CDH4: variants seen among roughly 807,000 people sequenced by gnomAD.
CDH4 encodes cadherin 4.
CDH4 carries 33 observed loss-of-function variants against 86.0 expected under a neutral mutation model. The ratio of observed to expected loss-of-function variants is 0.38; its 90% CI spans 0.29 to 0.51. The LOEUF (loss-of-function observed/expected upper bound fraction) is 0.51, where lower values mean the gene tolerates loss of function less well. Among genes scored for constraint, CDH4 ranks in the 20% least tolerant of loss-of-function variants. CDH4 has a pLI of 0.86. For synonymous variants in CDH4, 555 were observed against 549.4 expected (o/e 1.01, Z -0.14); for missense variants, 1,114 against 1,307.4 (o/e 0.85, Z 2.28).
chr20:61,725,383 G>A (rs894090287), intron 2 of CDH4, among the ~76,000 whole-genome samples: 1 of 152,186 alleles, frequency 6.6e-6, no homozygotes, highest in African/African-American at 2.4e-5. Flanking sequence ...CCAGGACCCA[G>A]GTCTGGTCTC....
intron 3 of CDH4, among the ~76,000 whole-genome samples, chr20:61,752,329 C>CAA (rs34828485): frequency 7.1e-4 from 59 of 83,088 alleles, no homozygotes; most frequent in Non-Finnish European, 1.1e-3. Context: ...AAAAGCCTGT[C>CAA]AAAAAAAAAA....
chr20:61,908,670 C>CAA (rs1340357257), intron 8 of CDH4, among the ~76,000 whole-genome samples: 4 of 152,084 alleles, frequency 2.6e-5, no homozygotes, highest in African/African-American at 9.7e-5. Flanking sequence ...TTGTGGTGGC[C>CAA]GTGGGACATC....
intron 2 of CDH4, among the ~76,000 whole-genome samples, chr20:61,259,150 G>A (rs6101282): frequency 0.11 from 17,295 of 152,282 alleles, 1,074 homozygotes; most frequent in African/African-American, 0.15. Flanking sequence ...TTGACAGACA[G>A]TGAATTGCTG....
intron 2 of CDH4, among the ~76,000 whole-genome samples, chr20:61,311,209 A>C (rs1199140742): frequency 6.6e-6 from 1 of 152,184 alleles, no homozygotes. Flanking sequence ...ACACCCACAC[A>C]CACCCACACC....
intron 2 of CDH4, among the ~76,000 whole-genome samples, chr20:61,493,248 G>A (rs912637399): frequency 3.3e-5 from 5 of 152,192 alleles, no homozygotes; most frequent in Non-Finnish European, 5.9e-5. Flanking sequence ...TCCATTGTCT[G>A]TGAAGTATGC....
At position 61,834,322 on chromosome 20, in the gene CDH4, G is replaced by C. The variant is rs1981768212; in HGVS notation, c.577-10346G>C. On this transcript the variant is annotated intron_variant, in intron 4 of 15. Coordinates refer to ENST00000614565, the MANE Select transcript of CDH4 (RefSeq NM_001794.5). ...GCCTGTGGCCTAGGATCTGGGGCCT[G>C]GGGTCTGGGGTCTGGCCTCCATCTT... Among the ~76,000 whole-genome samples the C allele has an allele frequency of 2.6e-5, 4 of 152,312 alleles. No homozygotes were observed. The South Asian group carries it at 8.3e-4, about 32-fold the overall frequency.
At chr20:61,258,995 C>T (rs1301908833) in intron 2 of CDH4, among the ~76,000 whole-genome samples, 1 of 152,184 alleles carries the variant, frequency 6.6e-6, no homozygotes, top group African/African-American at 2.4e-5. Flanking sequence ...TCATGTGTGT[C>T]TTAGATCCAT....
chr20:61,297,775 C>T (rs570298244), intron 2 of CDH4, among the ~76,000 whole-genome samples: 8 of 152,260 alleles, frequency 5.3e-5, no homozygotes, highest in African/African-American at 1.7e-4. Context: ...GCCCCTTTAC[C>T]GGGGCTTCCC....
intron 4 of CDH4, among the ~76,000 whole-genome samples, chr20:61,831,992 A>G (rs751897020): frequency 1.4e-5 from 2 of 147,870 alleles, no homozygotes; most frequent in African/African-American, 4.9e-5. Context: ...TCCTCCTTCC[A>G]TCTCCTTTGA....
chr20:61,295,365 G>A (rs1277632993), intron 2 of CDH4, among the ~76,000 whole-genome samples: 1 of 152,162 alleles, frequency 6.6e-6, no homozygotes, highest in Non-Finnish European at 1.5e-5. Context: ...GCACACTGGC[G>A]AAGGGTGTGA....
intron 4 of CDH4, among the ~76,000 whole-genome samples, chr20:61,781,646 C>T (rs1978550455): frequency 6.6e-6 from 1 of 152,106 alleles, no homozygotes; most frequent in Non-Finnish European, 1.5e-5. Context: ...AGTGGCCTAA[C>T]ATCTGTGTGA....
At chr20:61,854,418 G>GCAC in intron 6 of CDH4, among the ~76,000 whole-genome samples, 1 of 142,900 alleles carries the variant, frequency 7.0e-6, no homozygotes, top group East Asian at 2.1e-4. Flanking sequence ...CTCTTGGCCT[G>GCAC]CCCCAGGGCT....
intron 2 of CDH4, among the ~76,000 whole-genome samples, chr20:61,524,825 C>T (rs1331254864): frequency 1.3e-5 from 2 of 152,140 alleles, no homozygotes; most frequent in East Asian, 1.9e-4. Flanking sequence ...TTTTAAATTC[C>T]ATTCTCATTC....
intron 9 of CDH4, among the ~76,000 whole-genome samples, chr20:61,918,803 G>T (rs2054934608): frequency 6.6e-6 from 1 of 152,150 alleles, no homozygotes; most frequent in Non-Finnish European, 1.5e-5. Context: ...GACCCTCCTG[G>T]AGGCAGTCAT....
intron 3 of CDH4, among the ~76,000 whole-genome samples, chr20:61,749,588 AT>A (rs2088462355): frequency 6.6e-6 from 1 of 152,208 alleles, no homozygotes; most frequent in African/African-American, 2.4e-5. Context: ...TAACTGGAAA[AT>A]CCCCATAGAT....
chr20:61,460,185 C>T (rs1159125443), intron 2 of CDH4, among the ~76,000 whole-genome samples: 1 of 152,178 alleles, frequency 6.6e-6, no homozygotes, highest in Non-Finnish European at 1.5e-5. Flanking sequence ...CCTCGGCTAG[C>T]ACATAATAAA....
At chr20:61,832,321 CTG>C (rs1433382024) in intron 4 of CDH4, among the ~76,000 whole-genome samples, 1 of 152,194 alleles carries the variant, frequency 6.6e-6, no homozygotes, top group African/African-American at 2.4e-5. Context: ...GTTTCCTCAT[CTG>C]TAACAGGGAA....
At chr20:61,637,415 C>T (rs1190383935) in intron 2 of CDH4, among the ~76,000 whole-genome samples, 2 of 152,148 alleles carry the variant, frequency 1.3e-5, no homozygotes, top group Admixed American at 1.3e-4. Flanking sequence ...TGAAGCTGAA[C>T]ATCCCAGTGT....
At chr20:61,542,417 C>T (rs1285490184) in intron 2 of CDH4, among the ~76,000 whole-genome samples, 5 of 152,086 alleles carry the variant, frequency 3.3e-5, no homozygotes, top group South Asian at 2.1e-4. Flanking sequence ...CTGGCATGTT[C>T]GTTTAGATCC....
Sources: gnomAD v4.1 joint callset for allele counts (sites outside exome capture counted in the v4.1 genomes callset) on GRCh38, gnomAD v4.1.1 for gene constraint, MANE v1.5 for transcripts, NCBI Gene and HGNC (gene_info 2026-07-23, HGNC 2026-07-21) for gene names.